SALL4: variants seen among roughly 807,000 people sequenced by gnomAD.
SALL4 encodes sal-like protein 4.
SALL4 carries 4 observed loss-of-function variants against 60.8 expected under a neutral mutation model. The ratio of observed to expected loss-of-function variants is 0.07; its 90% CI spans 0.03 to 0.15. The LOEUF (loss-of-function observed/expected upper bound fraction) is 0.15, where lower values mean the gene tolerates loss of function less well. SALL4 is among the 10% of genes least tolerant of loss of function. The pLI is 1.00. For missense variants in SALL4, 1,178 were observed against 1,394.7 expected (o/e 0.84, Z 2.48); for synonymous variants, 580 against 574.9 (o/e 1.01, Z -0.13).
rs371853419 is a variant in SALL4, at chr20:51,790,515, C to A, written c.1968G>T (p.Thr656=). 6.2e-7 allele frequency: 1 copy of A among 1,614,070 alleles called. No homozygotes were observed. The highest frequency in any genetic ancestry group is 8.5e-7 in the Non-Finnish European group (1 of 1,180,036). The change falls in exon 2 of 4, where the codon ACG becomes ACT. Residue 656 remains threonine, a synonymous_variant. Coordinates refer to ENST00000217086, the MANE Select transcript of SALL4 (RefSeq NM_020436.5). This position sits in a 1 kb window ranked among gnomAD's most constrained non-coding sequence, Gnocchi z 5.5. ...AGTCACAGGGATTCTCTGGCAGGGG[C>A]GTGTTGGGAATCTGACCGCCCATGT... ...RMHMGGQIPN[T]PLPENPCDFT...
chr20:51,784,170 G>C lies in SALL4; in HGVS notation c.*95C>G. The C allele has an allele frequency of 1.4e-6, 2 of 1,456,720 alleles. No homozygotes were observed. Among genetic ancestry groups the C allele is most frequent in the Admixed American group, 3.4e-5 (2 of 59,044 alleles). 90.2% of individuals were successfully genotyped at this position (1,456,720 alleles called of 1,614,324 possible). ...GTAAACATCATTTGCATATCAGTAAGAAAAAGAAAACAGGAGGAGATGAGT... is the reference window on the plus strand; with the variant it reads ...GTAAACATCATTTGCATATCAGTAACAAAAAGAAAACAGGAGGAGATGAGT... On this transcript the variant is annotated 3_prime_UTR_variant, in exon 4 of 4. Coordinates refer to ENST00000217086, the MANE Select transcript of SALL4 (RefSeq NM_020436.5).
Position 51,790,171 on chromosome 20 carries a change from T to A in SALL4, c.2312A>T (p.Glu771Val). The change falls in exon 2 of 4, where the codon GAG becomes GTG. Residue 771 changes from glutamate to valine, a missense_variant. Glu to Val is a moderately radical substitution (Grantham distance 121). Around this residue, in one of 5 missense-constraint regions of SALL4, gnomAD observed 853 missense variants for 1,036.8 expected, o/e 0.82. Coordinates refer to ENST00000217086, the MANE Select transcript of SALL4 (RefSeq NM_020436.5). This position sits in a 1 kb window ranked among gnomAD's most constrained non-coding sequence, Gnocchi z 5.5. ...NDSSSLMGDQ[E>V]YQSRSPDILE... ...GATATCTGGGCTTCGGCTCTGATAC[T>A]CCTGGTCTCCCATCAGCGAGGATGA... 5.0e-6 allele frequency: 8 copies of A among 1,614,176 alleles called. No individual in the cohort carries two copies. Among genetic ancestry groups the A allele is most frequent in the Non-Finnish European group, 6.8e-6 (8 of 1,180,036 alleles).
chr20:51,786,337 G>A (rs539331035), intron 3 of SALL4, among the ~76,000 whole-genome samples: 13 of 151,896 alleles, frequency 8.6e-5, no homozygotes, highest in African/African-American at 2.7e-4. Flanking sequence ...CTTGTGATCC[G>A]CCCACCTCGG....
chr20:51,792,688 CAAAAAA>C (rs57662451), intron 1 of SALL4: 26 of 179,806 alleles, frequency 1.4e-4, no homozygotes, highest in South Asian at 4.8e-4. Context: ...GACTCCATCT[CAAAAAA>C]AAAAAAAAAA....
At position 51,801,805 on chromosome 20, in the gene SALL4, G is replaced by A. The variant is rs1289241299; in HGVS notation, c.130+474C>T. Among the ~76,000 whole-genome samples the A allele has an allele frequency of 1.3e-5, 2 of 151,830 alleles. No individual in the cohort carries two copies. Among genetic ancestry groups the A allele is most frequent in the East Asian group, 3.9e-4 (2 of 5,066 alleles). On this transcript the variant is annotated intron_variant, in intron 1 of 3. Transcript: ENST00000217086. The surrounding 1 kb of genome is among the most constrained non-coding windows in gnomAD (Gnocchi z 5.2). ...TCCTCCTCCGGGGGGTCTTCCAGGG[G>A]TGCGCCCCTCCTCCAGCCTCCAAGA...
In SALL4 at chr20:51,802,491, C is replaced by G. The variant is rs1055205416; in HGVS notation, c.-83G>C. 3 of 1,597,868 alleles carry G rather than the reference C, an allele frequency of 1.9e-6. No homozygotes were observed. In the Admixed American group the frequency reaches 5.2e-5, roughly 28 times the overall value. On this transcript the variant is annotated 5_prime_UTR_variant, in exon 1 of 4. Transcript: ENST00000217086. ...TCCTGGAGTTGGGAAATTTACCCCC[C>G]TTCGGCCGGAACGCGCATGTCCCAG... is the stretch of plus-strand genomic sequence containing the variant.
Position 51,784,062 on chromosome 20 carries a change from T to A in SALL4, c.*203A>T. On this transcript the variant is annotated 3_prime_UTR_variant, in exon 4 of 4. Coordinates refer to ENST00000217086, the MANE Select transcript of SALL4 (RefSeq NM_020436.5). ...ATTTGTTTTGGTATGCATTTTTTTT[T>A]TATTTTTTCAACTTTTTGCAAAGCA... is the stretch of plus-strand genomic sequence containing the variant. 3.2e-6 allele frequency: 2 copies of A among 625,984 alleles called. No individual in the cohort carries two copies. Among genetic ancestry groups the A allele is most frequent in the Non-Finnish European group, 5.5e-6 (2 of 362,392 alleles). 38.8% of individuals were successfully genotyped at this position (625,984 alleles called of 1,614,324 possible).
chr20:51,802,094 T>C (rs907564641), intron 1 of SALL4, among the ~76,000 whole-genome samples, 185 bp downstream of exon 1: 3 of 151,166 alleles, frequency 2.0e-5, no homozygotes, highest in South Asian at 2.1e-4. Context: ...GAAAAAAGTG[T>C]GAAATGTGCA....
intron 2 of SALL4, among the ~76,000 whole-genome samples, chr20:51,789,663 ACT>A (rs2078020243): frequency 1.3e-5 from 2 of 152,028 alleles, no homozygotes; most frequent in African/African-American, 4.8e-5. Context: ...CCTCAAACAT[ACT>A]CTTAAGACAC....
Position 51,791,125 on chromosome 20 carries a change from T to C in SALL4, c.1358A>G (p.Asn453Ser), listed in dbSNP as rs146644204. ...AEFQDKVAAGNGIPYALSVPD... is the reference protein window; with the variant it reads ...AEFQDKVAAGSGIPYALSVPD... Reference sequence around the variant, plus strand: ...TACAGAGAGTGCATAGGGGATGCCATTGCCGGCCGCCACTTTGTCCTGGAA... The same window carrying C: ...TACAGAGAGTGCATAGGGGATGCCACTGCCGGCCGCCACTTTGTCCTGGAA... Residue 453 changes from asparagine to serine, a missense_variant, in exon 2 of 4, where the codon AAT becomes AGT. This residue lies in a region of SALL4 where 853 missense variants were observed against 1,036.8 expected (regional missense o/e 0.82). Transcript: ENST00000217086. This position sits in a 1 kb window ranked among gnomAD's most constrained non-coding sequence, Gnocchi z 4.6. 78 of 1,614,090 alleles carry C rather than the reference T, an allele frequency of 4.8e-5. No homozygotes were observed. In the African/African-American group the frequency reaches 9.9e-4, roughly 20 times the overall value.
intron 1 of SALL4, among the ~76,000 whole-genome samples, chr20:51,793,590 G>A (rs900721973): frequency 6.6e-6 from 1 of 152,160 alleles, no homozygotes; most frequent in Non-Finnish European, 1.5e-5. Context: ...CCGAGTAGCT[G>A]GCTAATTTTT....
In SALL4 at chr20:51,783,334, C is replaced by T. The variant is rs1374867890; in HGVS notation, c.*931G>A. The T allele has an allele frequency of 6.6e-6, 1 of 152,066 alleles. No homozygotes were observed. Among genetic ancestry groups the T allele is most frequent in the Non-Finnish European group, 1.5e-5 (1 of 68,014 alleles). The allele number at this position is 152,066 out of a possible 1,614,324, so 9.4% of individuals were successfully genotyped here. A position where few individuals can be genotyped will look rare whatever the true frequency, so the allele number is the denominator to read the frequency against. ...TGACTCCCTAAGGACTAACGTAAGTCCATTTGAGGGCCTCCTACTTAAGGT... is the reference window on the plus strand; with the variant it reads ...TGACTCCCTAAGGACTAACGTAAGTTCATTTGAGGGCCTCCTACTTAAGGT... On this transcript the variant is annotated 3_prime_UTR_variant, in exon 4 of 4. Transcript: ENST00000217086.
chr20:51,785,171 C>A (rs572066628), intron 3 of SALL4, among the ~76,000 whole-genome samples: 2 of 152,170 alleles, frequency 1.3e-5, no homozygotes, highest in Admixed American at 1.3e-4. Flanking sequence ...CATGGTGGCA[C>A]ATGCCTGTAA....
At chr20:51,786,441 A>C (rs1049221466) in intron 3 of SALL4, among the ~76,000 whole-genome samples, 2 of 151,544 alleles carry the variant, frequency 1.3e-5, no homozygotes, top group South Asian at 4.2e-4. Context: ...TATGTTGCTC[A>C]AGCTGGTCTC....
At position 51,791,460 on chromosome 20, in the gene SALL4, C is replaced by A; in HGVS notation, c.1023G>T (p.Ser341=). Residue 341 remains serine, a synonymous_variant, in exon 2 of 4, where the codon TCG becomes TCT. Coordinates refer to ENST00000217086, the MANE Select transcript of SALL4 (RefSeq NM_020436.5). The surrounding 1 kb of genome is among the most constrained non-coding windows in gnomAD (Gnocchi z 4.6). The stretch of plus-strand genomic sequence containing the variant: ...TGGAGAAAGGGCTCTGGAAGAGCAC[C>A]GAGCCCGGGGCCTGAGGAAGCAAAG... ...PSALLPQAPG[S]VLFQSPFSTV... The A allele has an allele frequency of 6.2e-7, 1 of 1,614,130 alleles. No homozygotes were observed. The highest frequency in any genetic ancestry group is 1.1e-5 in the South Asian group (1 of 91,086).
rs766526698 is a variant in SALL4 at position 51,790,054 on chromosome 20, T to C, written c.2429A>G (p.Glu810Gly). The C allele has an allele frequency of 4.3e-6, 7 of 1,614,200 alleles. No homozygotes were observed. The East Asian group carries it at 1.6e-4, about 36-fold the overall frequency. ...SKSPDAGSKA[E>G]SSENSRTEME... The stretch of plus-strand genomic sequence containing the variant: ...CTCAGTGCGGCTGTTCTCGGAGCTC[T>C]CTGCTTTGCTCCCAGCATCGGGAGA... Residue 810 changes from glutamate (E) to glycine (G), a missense_variant, in exon 2 of 4, where the codon GAG becomes GGG. Transcript: ENST00000217086. The surrounding 1 kb of genome is among the most constrained non-coding windows in gnomAD (Gnocchi z 5.5).
chr20:51,792,711 G>GAAAAAAAAA (rs1568866681), intron 1 of SALL4: 1 of 496,714 alleles, frequency 2.0e-6, no homozygotes, highest in Non-Finnish European at 2.6e-6. Context: ...AAAAAAAAAG[G>GAAAAAAAAA]CAAAAAGGCT....
In SALL4 at chr20:51,788,766, G is replaced by A. The variant is rs1298660854; in HGVS notation, c.2742+95C>T. 9.4e-6 allele frequency: 14 copies of A among 1,486,940 alleles called. No homozygotes were observed. The highest frequency in any genetic ancestry group is 1.3e-5 in the Non-Finnish European group (14 of 1,075,734). The allele number at this position is 1,486,940 out of a possible 1,614,324, so 92.1% of individuals were successfully genotyped here. ...CCTCCCACCTCGGCCTCCCAAAGGA[G>A]GAATGGAAGGATGGAAGAACTCATC... On this transcript the variant is annotated intron_variant, in intron 3 of 3. Transcript: ENST00000217086. The surrounding 1 kb of genome is among the most constrained non-coding windows in gnomAD (Gnocchi z 4.1).
At chr20:51,798,217 C>G (rs2078089892) in intron 1 of SALL4, among the ~76,000 whole-genome samples, 1 of 152,202 alleles carries the variant, frequency 6.6e-6, no homozygotes, top group Admixed American at 6.5e-5. Context: ...AAGTTTCAAA[C>G]AGCCTTGAAC....
Sources: allele counts gnomAD v4.1 joint callset (sites outside exome capture counted in the v4.1 genomes callset), GRCh38; gene constraint gnomAD v4.1.1; regional missense constraint gnomAD v4.1.1; non-coding constraint Gnocchi (gnomAD v3.1); transcripts MANE v1.5; gene names NCBI Gene and HGNC (gene_info 2026-07-23, HGNC 2026-07-21).